TCERG1L: variants seen among roughly 807,000 people sequenced by gnomAD.
TCERG1L encodes the protein transcription elongation regulator 1-like protein.
A neutral mutation model predicts 56.3 loss-of-function variants in TCERG1L; 37 were observed. That is an observed-to-expected ratio of 0.66 (90% confidence interval 0.51 to 0.87). The LOEUF (loss-of-function observed/expected upper bound fraction) is 0.87. Among genes scored for constraint, TCERG1L ranks in the 40% least tolerant of loss-of-function variants. The pLI, the probability that TCERG1L is intolerant of heterozygous loss-of-function variation, is 0.00. For missense variants in TCERG1L, 799 were observed against 774.2 expected (o/e 1.03, Z -0.38); for synonymous variants, 324 against 326.3 (o/e 0.99, Z 0.08).
intron 4 of TCERG1L, among the ~76,000 whole-genome samples, chr10:131,241,204 C>T (rs1053360229): frequency 2.6e-5 from 4 of 152,056 alleles, no homozygotes; most frequent in African/African-American, 9.7e-5. Context: ...GTGGAGAACA[C>T]GAGGCTGGGG....
At chr10:131,095,610 A>C (rs1400461381) in intron 11 of TCERG1L, 3 of 152,248 alleles carry the variant, frequency 2.0e-5, no homozygotes, top group Non-Finnish European at 4.4e-5. Context: ...TTGAAAACTT[A>C]GCTACTTTTA....
intron 4 of TCERG1L, among the ~76,000 whole-genome samples, chr10:131,252,624 C>T (rs527880497): frequency 5.3e-5 from 8 of 152,298 alleles, no homozygotes; most frequent in South Asian, 2.1e-4. Flanking sequence ...CCGTCTCCAA[C>T]GAGCGCCCAT....
chr10:131,158,254 C>A lies in TCERG1L; in HGVS notation c.1034+4868G>T, dbSNP rs1845944050. 2.0e-5 allele frequency among the ~76,000 whole-genome samples: 3 copies of A among 152,316 alleles called. No individual in the cohort carries two copies. In the South Asian group the frequency reaches 6.2e-4, roughly 32 times the overall value. On this transcript the variant is annotated intron_variant, in intron 6 of 11. Transcript: ENST00000368642. ...TCACTTTTAAACCAGTTTCTACCAC[C>A]TCATTGCTTTCTAAGACGCTTTCCC...
chr10:131,260,457 G>T lies in TCERG1L; in HGVS notation c.671-13C>A. The T allele has an allele frequency of 7.2e-7, 1 of 1,388,028 alleles. No individual in the cohort carries two copies. Among genetic ancestry groups the T allele is most frequent in the Non-Finnish European group, 9.4e-7 (1 of 1,068,358 alleles). 86.0% of individuals were successfully genotyped at this position (1,388,028 alleles called of 1,614,324 possible). A position where few individuals can be genotyped will look rare whatever the true frequency, so the allele number is the denominator to read the frequency against. ...TTATGGCAGCCACCTGCGGAAGAGG[G>T]ATGCAGAGGGTCAGCAAGGGGACGA... On this transcript the variant is annotated splice_polypyrimidine_tract_variant and intron_variant, in intron 3 of 11. Coordinates refer to ENST00000368642, the MANE Select transcript of TCERG1L (RefSeq NM_174937.4). This position sits in a 1 kb window ranked among gnomAD's most constrained non-coding sequence, Gnocchi z 5.8.
chr10:131,097,275 T>C (rs1428596131), intron 11 of TCERG1L, among the ~76,000 whole-genome samples: 1 of 152,062 alleles, frequency 6.6e-6, no homozygotes, highest in Non-Finnish European at 1.5e-5. Context: ...AAAAATACAT[T>C]GTTAACCATT....
chr10:131,303,085 C>T (rs752372348), intron 3 of TCERG1L, among the ~76,000 whole-genome samples: 44 of 152,026 alleles, frequency 2.9e-4, no homozygotes, highest in Non-Finnish European at 5.7e-4. Context: ...CTGCAGTAAA[C>T]ATACGTGTGC....
intron 3 of TCERG1L, among the ~76,000 whole-genome samples, chr10:131,283,615 A>T (rs1254922393): frequency 6.6e-6 from 1 of 152,234 alleles, no homozygotes; most frequent in African/African-American, 2.4e-5. Context: ...ATTGTATATG[A>T]AATGTTTTCA....
At chr10:131,127,350 C>A (rs1489810694) in intron 8 of TCERG1L, among the ~76,000 whole-genome samples, 2 of 152,206 alleles carry the variant, frequency 1.3e-5, no homozygotes, top group South Asian at 2.1e-4. Context: ...CCCCAAGCAC[C>A]AGCCAGCCCG....
intron 1 of TCERG1L, among the ~76,000 whole-genome samples, chr10:131,310,540 T>C (rs926499598): frequency 2.0e-5 from 3 of 152,246 alleles, no homozygotes; most frequent in Admixed American, 2.0e-4. Context: ...CTGATTTAAA[T>C]GCATCTGCAT....
chr10:131,222,842 C>T (rs549559996), intron 4 of TCERG1L, among the ~76,000 whole-genome samples: 17 of 152,162 alleles, frequency 1.1e-4, no homozygotes, highest in Non-Finnish European at 2.4e-4. Context: ...AAGGCTGGGG[C>T]CTCTCCCAGC....
At chr10:131,238,864 C>A (rs1416893490) in intron 4 of TCERG1L, among the ~76,000 whole-genome samples, 6 of 152,288 alleles carry the variant, frequency 3.9e-5, no homozygotes, top group South Asian at 4.1e-4. Context: ...AAAGGTACAC[C>A]GTGCAGAGGG....
intron 9 of TCERG1L, among the ~76,000 whole-genome samples, chr10:131,110,201 T>TGGG (rs1845397021): frequency 6.6e-6 from 1 of 152,156 alleles, no homozygotes; most frequent in Non-Finnish European, 1.5e-5. Context: ...CCAAAAGTGT[T>TGGG]TTCCAGATCA....
Position 131,101,262 on chromosome 10 carries a change from C to T in TCERG1L, c.1486-2838G>A, listed in dbSNP as rs1845301727. Among the ~76,000 whole-genome samples the T allele has an allele frequency of 2.0e-5, 3 of 152,372 alleles. No homozygotes were observed. The South Asian group carries it at 6.2e-4, about 32-fold the overall frequency. On this transcript the variant is annotated intron_variant, in intron 10 of 11. Coordinates refer to ENST00000368642, the MANE Select transcript of TCERG1L (RefSeq NM_174937.4). ...TCCCCCAGACATCAGGGGACCAGCG[C>T]TGCCCTGCCCATGAACCACGTCCAT... is the stretch of plus-strand genomic sequence containing the variant.
chr10:131,285,787 GT>G (rs1386924079), intron 3 of TCERG1L, among the ~76,000 whole-genome samples: 1 of 152,072 alleles, frequency 6.6e-6, no homozygotes, highest in African/African-American at 2.4e-5. Context: ...AAAGAAAAAT[GT>G]GGCTATCTTA....
intron 8 of TCERG1L, among the ~76,000 whole-genome samples, chr10:131,117,540 A>T (rs777611357): frequency 1.7e-4 from 26 of 152,198 alleles, no homozygotes; most frequent in Admixed American, 4.6e-4. Context: ...GGCCCTGGAG[A>T]AGTTCCCTCC....
At chr10:131,130,887 ATCCC>A (rs1845611179) in intron 8 of TCERG1L, among the ~76,000 whole-genome samples, 1 of 152,056 alleles carries the variant, frequency 6.6e-6, no homozygotes, top group Non-Finnish European at 1.5e-5. Context: ...TGATCTCTGC[ATCCC>A]TGCAGGGACG....
intron 7 of TCERG1L, among the ~76,000 whole-genome samples, chr10:131,140,114 T>A (rs1589726262): frequency 6.6e-6 from 1 of 152,204 alleles, no homozygotes; most frequent in African/African-American, 2.4e-5. Context: ...TCAGATGGGA[T>A]CCTAGGCACG....
intron 4 of TCERG1L, among the ~76,000 whole-genome samples, chr10:131,223,998 C>T (rs867650634): frequency 5.3e-5 from 8 of 152,122 alleles, no homozygotes; most frequent in Non-Finnish European, 1.5e-5. Flanking sequence ...TGAGAAGCAG[C>T]CGCTCCATCC....
chr10:131,276,704 T>G (rs564211835), intron 3 of TCERG1L, among the ~76,000 whole-genome samples: 54 of 152,324 alleles, frequency 3.5e-4, no homozygotes, highest in Non-Finnish European at 5.0e-4. Flanking sequence ...ATACCAAATA[T>G]GCTTTTCTCT....
Sources: gnomAD v4.1 joint callset for allele counts (sites outside exome capture counted in the v4.1 genomes callset) on GRCh38, gnomAD v4.1.1 for gene constraint, Gnocchi (gnomAD v3.1) non-coding constraint, MANE v1.5 for transcripts, NCBI Gene and HGNC (gene_info 2026-07-23, HGNC 2026-07-21) for gene names.